The following CNTNAP2 variants were observed in gnomAD, a reference collection of about 807,000 sequenced individuals.
The protein encoded by CNTNAP2 is contactin-associated protein-like 2.
Under a neutral mutation model 155.2 loss-of-function variants are expected in CNTNAP2, and 98 were observed. The ratio of observed to expected loss-of-function variants is 0.63; its 90% CI spans 0.54 to 0.75. The LOEUF (loss-of-function observed/expected upper bound fraction) is 0.75. CNTNAP2 is among the 30% of genes least tolerant of loss of function. The pLI is 0.00. For missense variants in CNTNAP2, 1,727 were observed against 1,688.1 expected (o/e 1.02, Z -0.40); for synonymous variants, 651 against 631.2 (o/e 1.03, Z -0.47).
At chr7:147,829,850 C>G (rs1798519730) in intron 13 of CNTNAP2, among the ~76,000 whole-genome samples, 1 of 152,022 alleles carries the variant, frequency 6.6e-6, no homozygotes, top group South Asian at 2.1e-4. Flanking sequence ...GAATACAGAG[C>G]AGCGAGGGGG....
At chr7:148,155,418 TG>T (rs113788563) in intron 17 of CNTNAP2, among the ~76,000 whole-genome samples, 3 of 152,146 alleles carry the variant, frequency 2.0e-5, no homozygotes, top group African/African-American at 7.2e-5. Context: ...TTTGATTTTT[TG>T]GTTTTTTTTA....
At chr7:147,558,078 AATAAC>A (rs1297409143) in intron 11 of CNTNAP2, among the ~76,000 whole-genome samples, 4 of 152,236 alleles carry the variant, frequency 2.6e-5, no homozygotes, top group Non-Finnish European at 4.4e-5. Flanking sequence ...TTAAAGACAA[AATAAC>A]ATAACATATG....
At chr7:148,171,636 C>T (rs558440668) in intron 17 of CNTNAP2, among the ~76,000 whole-genome samples, 50 of 152,316 alleles carry the variant, frequency 3.3e-4, no homozygotes, top group Middle Eastern at 6.8e-3. Context: ...GCAATGAAAT[C>T]TGATCTAACC....
Position 146,569,694 on chromosome 7 carries a change from C to A in CNTNAP2, c.98-204577C>A, listed in dbSNP as rs559293580. 4.6e-5 allele frequency among the ~76,000 whole-genome samples: 7 copies of A among 152,206 alleles called. No individual in the cohort carries two copies. The South Asian group carries it at 1.5e-3, about 32-fold the overall frequency. ...GACTGACAACTTCAAAGCTCACAGA[C>A]AAGGGCAAAAAGCATGTGTGCTGCT... On this transcript the variant is annotated intron_variant, in intron 1 of 23. Coordinates refer to ENST00000361727, the MANE Select transcript of CNTNAP2 (RefSeq NM_014141.6).
At chr7:146,610,905 T>C (rs1371388636) in intron 1 of CNTNAP2, among the ~76,000 whole-genome samples, 1 of 152,164 alleles carries the variant, frequency 6.6e-6, no homozygotes, top group African/African-American at 2.4e-5. Flanking sequence ...TAATTTAGTC[T>C]CTTATATGCT....
At chr7:147,694,836 T>C (rs1041293482) in intron 13 of CNTNAP2, among the ~76,000 whole-genome samples, 1 of 152,062 alleles carries the variant, frequency 6.6e-6, no homozygotes, top group Non-Finnish European at 1.5e-5. Flanking sequence ...TTTATTACTT[T>C]GTGCTCTAAT....
chr7:148,273,904 A>T (rs1474957359), intron 21 of CNTNAP2, among the ~76,000 whole-genome samples: 1 of 152,180 alleles, frequency 6.6e-6, no homozygotes, highest in Non-Finnish European at 1.5e-5. Context: ...TATTGATTAA[A>T]AAGTCTTATT....
At chr7:148,327,139 A>G (rs896655674) in intron 21 of CNTNAP2, among the ~76,000 whole-genome samples, 1 of 152,120 alleles carries the variant, frequency 6.6e-6, no homozygotes, top group Non-Finnish European at 1.5e-5. Context: ...CACTGAAAAG[A>G]ATGAACCCAC....
At chr7:146,536,849 T>C (rs1584970196) in intron 1 of CNTNAP2, among the ~76,000 whole-genome samples, 1 of 152,170 alleles carries the variant, frequency 6.6e-6, no homozygotes, top group East Asian at 1.9e-4. Context: ...CAAAAGAGAA[T>C]CATCAATATT....
At chr7:147,077,832 A>G (rs1275734182) in intron 4 of CNTNAP2, among the ~76,000 whole-genome samples, 2 of 152,194 alleles carry the variant, frequency 1.3e-5, no homozygotes, top group Non-Finnish European at 2.9e-5. Context: ...TCTGGAACAT[A>G]TAGCAAGTAC....
intron 13 of CNTNAP2, among the ~76,000 whole-genome samples, chr7:147,787,074 A>C (rs1797752071): frequency 6.6e-6 from 1 of 152,204 alleles, no homozygotes. Context: ...GTTGTTGGGC[A>C]TCAGAGAAGT....
At chr7:147,189,607 A>T (rs1439237853) in intron 8 of CNTNAP2, among the ~76,000 whole-genome samples, 3 of 152,216 alleles carry the variant, frequency 2.0e-5, no homozygotes, top group Non-Finnish European at 4.4e-5. Flanking sequence ...ATCTGTATGC[A>T]TACATTTATT....
At chr7:147,657,689 G>T (rs1031148622) in intron 13 of CNTNAP2, among the ~76,000 whole-genome samples, 1 of 152,078 alleles carries the variant, frequency 6.6e-6, no homozygotes, top group Non-Finnish European at 1.5e-5. Flanking sequence ...TAGGATAAAG[G>T]TATATAAAAC....
intron 1 of CNTNAP2, among the ~76,000 whole-genome samples, chr7:146,444,294 G>A (rs1796369969): frequency 6.6e-6 from 1 of 152,050 alleles, no homozygotes; most frequent in African/African-American, 2.4e-5. Flanking sequence ...CAAAGTGCTG[G>A]AACTACAGGC....
rs150800396 is a variant in CNTNAP2 at position 147,360,652 on chromosome 7, C to G, written c.1499-34957C>G. Among the ~76,000 whole-genome samples, 4 of 152,156 alleles carry G rather than the reference C, an allele frequency of 2.6e-5. No homozygotes were observed. In the East Asian group the frequency reaches 7.7e-4, roughly 29 times the overall value. Reference sequence around the variant, plus strand: ...ATATTTCTTTTGAAAAAAAAACTCTCTGTACCCTCTGTAGATGTCACACTG... The same window carrying G: ...ATATTTCTTTTGAAAAAAAAACTCTGTGTACCCTCTGTAGATGTCACACTG... On this transcript the variant is annotated intron_variant, in intron 9 of 23. Transcript: ENST00000361727.
At chr7:147,803,480 A>G (rs1457986944) in intron 13 of CNTNAP2, among the ~76,000 whole-genome samples, 1 of 152,134 alleles carries the variant, frequency 6.6e-6, no homozygotes, top group Non-Finnish European at 1.5e-5. Context: ...CAGAGGCTCT[A>G]CTCATGTTCT....
At chr7:146,183,010 TA>T (rs1350937819) in intron 1 of CNTNAP2, among the ~76,000 whole-genome samples, 41 of 152,326 alleles carry the variant, frequency 2.7e-4, no homozygotes, top group South Asian at 1.4e-3. Context: ...TTAATTCTAT[TA>T]AAAATTCCTT....
chr7:146,755,344 C>T (rs1801977957), intron 1 of CNTNAP2, among the ~76,000 whole-genome samples: 1 of 151,968 alleles, frequency 6.6e-6, no homozygotes, highest in South Asian at 2.1e-4. Flanking sequence ...AATATATGTG[C>T]TCTTTTAAAT....
At chr7:147,798,549 C>T (rs1414568103) in intron 13 of CNTNAP2, among the ~76,000 whole-genome samples, 1 of 152,144 alleles carries the variant, frequency 6.6e-6, no homozygotes, top group Non-Finnish European at 1.5e-5. Flanking sequence ...GTGTTAGCTA[C>T]AGATGTAACA....
Sources: allele counts gnomAD v4.1 joint callset (sites outside exome capture counted in the v4.1 genomes callset), GRCh38; gene constraint gnomAD v4.1.1; transcripts MANE v1.5; gene names NCBI Gene and HGNC (gene_info 2026-07-23, HGNC 2026-07-21).